ROBO2: variants seen among roughly 807,000 people sequenced by gnomAD.
The protein encoded by ROBO2 is roundabout guidance receptor 2.
ROBO2 carries 53 observed loss-of-function variants against 160.8 expected under a neutral mutation model. The ratio of observed to expected loss-of-function variants is 0.33; its 90% CI spans 0.26 to 0.41. The LOEUF is 0.41. Among genes scored for constraint, ROBO2 ranks in the 10% least tolerant of loss-of-function variants. The pLI, the probability that ROBO2 is intolerant of heterozygous loss-of-function variation, is 1.00. For synonymous variants in ROBO2, 664 were observed against 611.7 expected (o/e 1.09, Z -1.26); for missense variants, 1,577 against 1,722.4 (o/e 0.92, Z 1.49).
At chr3:76,196,288 A>G (rs1444257265) in intron 2 of ROBO2, among the ~76,000 whole-genome samples, 2 of 152,182 alleles carry the variant, frequency 1.3e-5, no homozygotes, top group Non-Finnish European at 2.9e-5. Flanking sequence ...ACCTGGCACT[A>G]TCCTAAGAAT....
intron 2 of ROBO2, among the ~76,000 whole-genome samples, chr3:76,176,942 G>A (rs1052287680): frequency 3.9e-5 from 6 of 151,974 alleles, no homozygotes; most frequent in South Asian, 2.1e-4. Flanking sequence ...AATTTGAACC[G>A]AGCTCCCTTA....
intron 2 of ROBO2, among the ~76,000 whole-genome samples, chr3:77,181,923 G>A (rs2080829457): frequency 6.6e-6 from 1 of 151,986 alleles, no homozygotes; most frequent in Non-Finnish European, 1.5e-5. Context: ...TCTCTTACTG[G>A]TACAATGATT....
rs886058878 is a variant in ROBO2 at position 77,646,221 on chromosome 3, T to C, written c.*166T>C. 3 of 461,514 alleles carry C rather than the reference T, an allele frequency of 6.5e-6. No homozygotes were observed. In the East Asian group the frequency reaches 1.0e-4, roughly 16 times the overall value. The allele number at this position is 461,514 out of a possible 1,614,324, so 28.6% of individuals were successfully genotyped here. On this transcript the variant is annotated 3_prime_UTR_variant, in exon 26 of 26. Coordinates refer to ENST00000461745, the Ensembl canonical transcript of ROBO2. Reference sequence around the variant, plus strand: ...CACACATATCCCACAGATATTTTCATTGTGTTCTTCTCTTAAGTACACCAC... The same window carrying C: ...CACACATATCCCACAGATATTTTCACTGTGTTCTTCTCTTAAGTACACCAC...
At chr3:76,417,250 C>CT (rs1251786475) in intron 2 of ROBO2, among the ~76,000 whole-genome samples, 1 of 152,198 alleles carries the variant, frequency 6.6e-6, no homozygotes, top group Admixed American at 6.5e-5. Flanking sequence ...TAAGACAACT[C>CT]TGACTTAAAA....
At chr3:75,918,527 C>A (rs1946901258) in intron 1 of ROBO2, among the ~76,000 whole-genome samples, 1 of 152,024 alleles carries the variant, frequency 6.6e-6, no homozygotes, top group African/African-American at 2.4e-5. Context: ...CTCTTTTTTG[C>A]TTCCATATGA....
At chr3:76,153,578 A>G (rs143837261) in intron 2 of ROBO2, among the ~76,000 whole-genome samples, 374 of 152,270 alleles carry the variant, frequency 2.5e-3, no homozygotes, top group African/African-American at 8.8e-3. Context: ...CACATATTCA[A>G]ATATCTTCTT....
intron 2 of ROBO2, among the ~76,000 whole-genome samples, chr3:76,110,594 A>G (rs2070184047): frequency 1.3e-5 from 2 of 152,142 alleles, no homozygotes; most frequent in African/African-American, 4.8e-5. Context: ...AATAAATGTT[A>G]TTGGTTATCT....
intron 2 of ROBO2, among the ~76,000 whole-genome samples, chr3:76,120,941 A>G (rs2070727621): frequency 6.6e-6 from 1 of 152,200 alleles, no homozygotes; most frequent in Non-Finnish European, 1.5e-5. Flanking sequence ...TATCCCCTAT[A>G]GTATCTACTA....
At chr3:76,772,697 A>G (rs774588) in intron 2 of ROBO2, among the ~76,000 whole-genome samples, 126,845 of 150,818 alleles carry the variant, frequency 0.84, 53,455 homozygotes, top group Admixed American at 0.86. Context: ...GTTAAGGGGT[A>G]CTGTAATCAT....
chr3:76,288,523 C>A (rs895767474), intron 2 of ROBO2, among the ~76,000 whole-genome samples: 1 of 150,856 alleles, frequency 6.6e-6, no homozygotes, highest in East Asian at 1.9e-4. Context: ...TCAGGGGATA[C>A]ATGTGCAGGC....
At position 75,929,172 on chromosome 3, in the gene ROBO2, C is replaced by CGTGT. The variant is rs35861088; in HGVS notation, c.-13-8270_-13-8267dup. 9.2e-4 allele frequency among the ~76,000 whole-genome samples: 104 copies of CGTGT among 113,650 alleles called. 5 individuals carry two copies. The highest frequency in any genetic ancestry group is 2.2e-3 in the African/African-American group (51 of 22,700). The allele number at this position is 113,650 out of a possible 152,430, so 74.6% of individuals were successfully genotyped here. A position where few individuals can be genotyped will look rare whatever the true frequency, so the allele number is the denominator to read the frequency against. ...ACATGAGATCTGCAGCTGGATAAGACGTGTGTGTGTGTGTGTGTGTGTGTG... is the reference window on the plus strand; with the variant it reads ...ACATGAGATCTGCAGCTGGATAAGACGTGTGTGTGTGTGTGTGTGTGTGTGTGTG... On this transcript the variant is annotated intron_variant, in intron 1 of 26. Coordinates refer to the ROBO2 transcript ENST00000487694.
Position 77,082,719 on chromosome 3 carries a change from T to TAC in ROBO2, c.62-15287_62-15286dup, listed in dbSNP as rs200300035. Among the ~76,000 whole-genome samples the TAC allele has an allele frequency of 8.9e-3, 1,325 of 149,472 alleles. 16 individuals are homozygous for TAC. Among genetic ancestry groups the TAC allele is most frequent in the African/African-American group, 0.031 (1,232 of 39,288 alleles). ...TAGTAACATTCTATATATATATATA[T>TAC]ACACACACAATAGTGTATTGTATGT... On this transcript the variant is annotated intron_variant, in intron 1 of 25. Coordinates refer to ENST00000461745, the Ensembl canonical transcript of ROBO2.
intron 2 of ROBO2, among the ~76,000 whole-genome samples, chr3:76,763,918 T>G (rs574868916): frequency 6.6e-6 from 1 of 151,780 alleles, no homozygotes; most frequent in South Asian, 2.1e-4. Context: ...ATCCCATTTA[T>G]TTTTGACAGA....
intron 2 of ROBO2, among the ~76,000 whole-genome samples, chr3:76,993,532 T>G (rs954991409): frequency 2.0e-5 from 3 of 152,154 alleles, no homozygotes; most frequent in Non-Finnish European, 2.9e-5. Context: ...GTTAATGGCC[T>G]CCTTTAAAAA....
chr3:77,362,741 G>A (rs1353931990), intron 2 of ROBO2, among the ~76,000 whole-genome samples: 1 of 152,092 alleles, frequency 6.6e-6, no homozygotes, highest in Non-Finnish European at 1.5e-5. Context: ...AAGGAAAGAG[G>A]ATTAATTGAC....
intron 2 of ROBO2, among the ~76,000 whole-genome samples, chr3:77,472,380 C>T (rs1268081300): frequency 6.6e-6 from 1 of 152,170 alleles, no homozygotes; most frequent in East Asian, 1.9e-4. Context: ...TGTCACATTA[C>T]AGCATTCAAT....
chr3:76,798,300 G>GA (rs1553909491), intron 2 of ROBO2, among the ~76,000 whole-genome samples: 10 of 149,386 alleles, frequency 6.7e-5, no homozygotes, highest in South Asian at 4.3e-4. Flanking sequence ...AAGAAAGAAA[G>GA]AAAGAAAGAA....
At chr3:77,067,979 A>T in intron 1 of ROBO2, among the ~76,000 whole-genome samples, 1 of 152,126 alleles carries the variant, frequency 6.6e-6, no homozygotes, top group East Asian at 1.9e-4. Flanking sequence ...ATCAGTTCTA[A>T]ATCACGTCTA....
chr3:77,405,332 A>G (rs971811054), intron 2 of ROBO2, among the ~76,000 whole-genome samples: 2 of 152,186 alleles, frequency 1.3e-5, no homozygotes, highest in African/African-American at 2.4e-5. Flanking sequence ...TAAAAATAAA[A>G]TAGTATTTTA....
Sources: allele counts gnomAD v4.1 joint callset (sites outside exome capture counted in the v4.1 genomes callset), GRCh38; gene constraint gnomAD v4.1.1; transcripts MANE v1.5; gene names NCBI Gene and HGNC (gene_info 2026-07-23, HGNC 2026-07-21).